SFMBT1: variants seen among roughly 807,000 people sequenced by gnomAD.
SFMBT1 encodes Scm like with four mbt domains 1.
In SFMBT1, 32 loss-of-function variants were observed where a neutral mutation model predicts 108.7. That is an observed-to-expected ratio of 0.29 (90% CI 0.22 to 0.40). The LOEUF (loss-of-function observed/expected upper bound fraction) is 0.40, where lower values mean the gene tolerates loss of function less well. SFMBT1 is among the 10% of genes least tolerant of loss of function. The pLI is 1.00. For missense variants in SFMBT1, 816 were observed against 1,059.6 expected (o/e 0.77, Z 3.19); for synonymous variants, 348 against 369.5 (o/e 0.94, Z 0.67).
chr3:52,983,890 C>T (rs1704813155), intron 1 of SFMBT1, among the ~76,000 whole-genome samples: 1 of 152,128 alleles, frequency 6.6e-6, no homozygotes, highest in Non-Finnish European at 1.5e-5. Flanking sequence ...AGAGGAGGAA[C>T]ATAATTTGAT....
At chr3:53,041,197 C>T (rs1043668109) in intron 1 of SFMBT1, among the ~76,000 whole-genome samples, 2 of 151,600 alleles carry the variant, frequency 1.3e-5, no homozygotes, top group Non-Finnish European at 2.9e-5. Context: ...TTATAAACAT[C>T]CTCTTGAATA....
chr3:52,931,076 C>G, intron 6 of SFMBT1, 41 bp from the exon 7 acceptor site: 1 of 1,566,696 alleles, frequency 6.4e-7, no homozygotes, highest in Non-Finnish European at 8.8e-7. Context: ...TGATGAGAAA[C>G]TTATACTTTT....
At chr3:52,988,934 C>T (rs1183520336) in intron 1 of SFMBT1, among the ~76,000 whole-genome samples, 3 of 152,104 alleles carry the variant, frequency 2.0e-5, no homozygotes, top group African/African-American at 7.2e-5. Flanking sequence ...CCTAGTCACA[C>T]CTTAATAGTT....
At chr3:53,042,668 C>G (rs1173676481) in intron 1 of SFMBT1, among the ~76,000 whole-genome samples, 1 of 152,186 alleles carries the variant, frequency 6.6e-6, no homozygotes, top group African/African-American at 2.4e-5. Flanking sequence ...AAGGAAAAAT[C>G]TGAGTTTACA....
chr3:52,917,880 G>T (rs1027454450), intron 13 of SFMBT1, among the ~76,000 whole-genome samples: 1 of 152,134 alleles, frequency 6.6e-6, no homozygotes, highest in Non-Finnish European at 1.5e-5. Context: ...GTTGGGGACC[G>T]CTGGTTTAAA....
intron 1 of SFMBT1, among the ~76,000 whole-genome samples, chr3:53,008,072 A>AC (rs1365878968): frequency 1.3e-5 from 2 of 150,846 alleles, no homozygotes; most frequent in African/African-American, 4.9e-5. Flanking sequence ...ACCCCCGCAA[A>AC]AAAAAAAAAA....
intron 1 of SFMBT1, among the ~76,000 whole-genome samples, chr3:53,037,239 G>A (rs1032975406): frequency 1.3e-5 from 2 of 152,164 alleles, no homozygotes; most frequent in Non-Finnish European, 2.9e-5. Context: ...TCCCTAGAAG[G>A]GGAGGCCAGA....
At position 52,963,026 on chromosome 3, in the gene SFMBT1, C is replaced by G. The variant is rs913868500; in HGVS notation, c.28+6075G>C. On this transcript the variant is annotated intron_variant, in intron 2 of 20. Transcript: ENST00000394752. ...ATTTTATTTTTGAGATGGAGTTTCA[C>G]TCTGTCACCCAGGCTGGAATGTGGT... Among the ~76,000 whole-genome samples the G allele has an allele frequency of 5.3e-5, 8 of 152,114 alleles. No individual in the cohort carries two copies. The East Asian group carries it at 1.5e-3, about 29-fold the overall frequency.
At chr3:52,952,852 G>A (rs1703640211) in intron 3 of SFMBT1, among the ~76,000 whole-genome samples, 1 of 152,162 alleles carries the variant, frequency 6.6e-6, no homozygotes, top group South Asian at 2.1e-4. Context: ...AGGTCATAAG[G>A]ATGGAGCCCT....
rs35111104 is a variant in SFMBT1 at position 52,938,363 on chromosome 3, T to C, written c.365-3462A>G. On this transcript the variant is annotated intron_variant, in intron 4 of 20. Transcript: ENST00000394752. ...TTCGTGTATATGTAGTTTTTTTTAC[T>C]ATGTGATCTATCCCGTTTACACATA... Among the ~76,000 whole-genome samples the C allele has an allele frequency of 2.0e-3, 305 of 152,300 alleles. 2 individuals carry two copies. The highest frequency in any genetic ancestry group is 6.6e-4 in the Non-Finnish European group (45 of 68,026).
chr3:53,028,894 C>G (rs920164864), intron 1 of SFMBT1, among the ~76,000 whole-genome samples: 1 of 152,164 alleles, frequency 6.6e-6, no homozygotes, highest in South Asian at 2.1e-4. Flanking sequence ...TGGGCTAGGC[C>G]GGGCGCGGTA....
intron 1 of SFMBT1, among the ~76,000 whole-genome samples, chr3:52,987,915 G>A (rs1559538878): frequency 1.3e-5 from 2 of 152,124 alleles, no homozygotes. Context: ...ATTCTTTAAT[G>A]GAATGGAATA....
At chr3:52,921,493 G>T (rs190966329) in intron 11 of SFMBT1, among the ~76,000 whole-genome samples, 170 of 152,262 alleles carry the variant, frequency 1.1e-3, no homozygotes, top group Non-Finnish European at 2.1e-3. Context: ...CTGTAGTAAA[G>T]AATTTTTATT....
Position 52,907,175 on chromosome 3 carries a change from G to A in SFMBT1, c.2225C>T (p.Thr742Ile). 6.2e-7 allele frequency: 1 copy of A among 1,614,100 alleles called. No homozygotes were observed. The highest frequency in any genetic ancestry group is 8.5e-7 in the Non-Finnish European group (1 of 1,180,020). ...SEKKSCSSSPTQSEISTSLPP... is the reference protein window; with the variant it reads ...SEKKSCSSSPIQSEISTSLPP... ...CAGCGATGTGGATATCTCACTTTGGGTGGGAGAAGAGGAGCATGACTTTTT... is the reference window on the plus strand; with the variant it reads ...CAGCGATGTGGATATCTCACTTTGGATGGGAGAAGAGGAGCATGACTTTTT... Residue 742 changes from threonine (T) to isoleucine (I), a missense_variant, in exon 19 of 21, where the codon ACC becomes ATC. Physicochemically the swap from Thr to Ile is moderately conservative, Grantham distance 89. Transcript: ENST00000394752.
chr3:53,022,591 G>A lies in SFMBT1; in HGVS notation c.-131+23225C>T, dbSNP rs908650351. 4.6e-5 allele frequency among the ~76,000 whole-genome samples: 7 copies of A among 151,924 alleles called. No individual in the cohort carries two copies. The East Asian group carries it at 5.8e-4, about 13-fold the overall frequency. On this transcript the variant is annotated intron_variant, in intron 1 of 20. Transcript: ENST00000394752. ...ATTATTCAGTCTTTAAAATGAAGGCGATTCTGACACGTGTTACAATGTGGA... is the reference window on the plus strand; with the variant it reads ...ATTATTCAGTCTTTAAAATGAAGGCAATTCTGACACGTGTTACAATGTGGA...
At chr3:52,976,098 A>G (rs889245773) in intron 1 of SFMBT1, among the ~76,000 whole-genome samples, 1 of 151,844 alleles carries the variant, frequency 6.6e-6, no homozygotes, top group African/African-American at 2.4e-5. Context: ...ACACAAGGCA[A>G]GTTCCTTCTA....
At chr3:52,959,972 A>AC (rs747324102) in intron 2 of SFMBT1, among the ~76,000 whole-genome samples, 40 of 151,998 alleles carry the variant, frequency 2.6e-4, no homozygotes, top group Non-Finnish European at 5.0e-4. Flanking sequence ...ACTCCACATG[A>AC]CCACAAGGAG....
At chr3:52,919,578 G>A (rs986061069) in intron 12 of SFMBT1, among the ~76,000 whole-genome samples, 4 of 152,226 alleles carry the variant, frequency 2.6e-5, no homozygotes, top group Admixed American at 2.6e-4. Context: ...TGACTATGGT[G>A]ATAGCTGGTA....
intron 16 of SFMBT1, among the ~76,000 whole-genome samples, chr3:52,912,008 C>T (rs1040090948): frequency 6.6e-6 from 1 of 151,976 alleles, no homozygotes; most frequent in African/African-American, 2.4e-5. Flanking sequence ...TCTTAAATTT[C>T]GTATTTCTTA....
Sources: allele counts gnomAD v4.1 joint callset (sites outside exome capture counted in the v4.1 genomes callset), GRCh38; gene constraint gnomAD v4.1.1; transcripts MANE v1.5; gene names NCBI Gene and HGNC (gene_info 2026-07-23, HGNC 2026-07-21).